The following SFMBT2 variants were observed in gnomAD, a reference collection of about 807,000 sequenced individuals.
The protein encoded by SFMBT2 is scm-like with four MBT domains protein 2.
Under a neutral mutation model 110.1 loss-of-function variants are expected in SFMBT2, and 38 were observed. The ratio of observed to expected loss-of-function variants is 0.35; its 90% CI spans 0.27 to 0.45. The LOEUF is 0.45. Among genes scored for constraint, SFMBT2 ranks in the 20% least tolerant of loss-of-function variants. The pLI, the probability that SFMBT2 is intolerant of heterozygous loss-of-function variation, is 1.00. For synonymous variants in SFMBT2, 425 were observed against 425.4 expected, an observed-to-expected ratio of 1.00 and a Z score of 0.01; for missense variants, 1,011 against 1,094.9, an observed-to-expected ratio of 0.92 and a Z score of 1.08.
intron 1 of SFMBT2, among the ~76,000 whole-genome samples, chr10:7,395,286 A>G (rs60749395): frequency 0.067 from 10,233 of 152,064 alleles, 1,098 homozygotes; most frequent in African/African-American, 0.23. Flanking sequence ...CTTGGAGGAA[A>G]AAAAAAGAAT....
At chr10:7,190,971 T>C (rs2131581457) in intron 15 of SFMBT2, among the ~76,000 whole-genome samples, 1 of 152,340 alleles carries the variant, frequency 6.6e-6, no homozygotes, top group East Asian at 1.9e-4. Flanking sequence ...CTGATGGTTT[T>C]ATAAGGAGTT....
chr10:7,399,234 T>G (rs1175023293), intron 1 of SFMBT2, among the ~76,000 whole-genome samples: 1 of 152,034 alleles, frequency 6.6e-6, no homozygotes, highest in African/African-American at 2.4e-5. Context: ...TTTGGGGTTT[T>G]GTTTTGTTTT....
chr10:7,405,861 T>C (rs1305388719), intron 1 of SFMBT2, among the ~76,000 whole-genome samples: 1 of 114,072 alleles, frequency 8.8e-6, no homozygotes, highest in Non-Finnish European at 1.7e-5. Context: ...GGAATCTTCC[T>C]TAGCAGCTAG....
In SFMBT2 at chr10:7,284,544, G is replaced by T. The variant is rs114715414; in HGVS notation, c.526-394C>A. The stretch of plus-strand genomic sequence containing the variant: ...AAACGGTCTACTTTTCCAACAGACA[G>T]ATAATTCTAATACAGAGCATTCAAT... On this transcript the variant is annotated intron_variant, in intron 5 of 20. Transcript: ENST00000397167. 1,664 of 447,992 alleles carry T rather than the reference G, an allele frequency of 3.7e-3. 35 individuals are homozygous for T. The highest frequency in any genetic ancestry group is 0.033 in the African/African-American group (1,549 of 47,246). 27.8% of individuals were successfully genotyped at this position (447,992 alleles called of 1,614,324 possible). A position where few individuals can be genotyped will look rare whatever the true frequency, so the allele number is the denominator to read the frequency against.
intron 20 of SFMBT2, among the ~76,000 whole-genome samples, chr10:7,168,700 A>C (rs1049558392): frequency 1.3e-5 from 2 of 152,258 alleles, no homozygotes; most frequent in Admixed American, 6.5e-5. Flanking sequence ...ACAGCATTTC[A>C]ACCTATTGCT....
rs1350692161 is a variant in SFMBT2 at position 7,408,068 on chromosome 10, C to A, written c.-52+2793G>T. 6.6e-6 allele frequency among the ~76,000 whole-genome samples: 1 copy of A among 152,260 alleles called. No individual in the cohort carries two copies. The highest frequency in any genetic ancestry group is 1.9e-4 in the East Asian group (1 of 5,202). On this transcript the variant is annotated intron_variant, in intron 1 of 20. Transcript: ENST00000397167. This position sits in a 1 kb window ranked among gnomAD's most constrained non-coding sequence, Gnocchi z 5.7. ...TACATCCGCTTCCACGGCACGGCCT[C>A]GTGCAAAATCGCGGGTTTCGGGGCC...
chr10:7,291,066 T>G (rs932348678), intron 4 of SFMBT2, among the ~76,000 whole-genome samples: 1 of 152,166 alleles, frequency 6.6e-6, no homozygotes, highest in African/African-American at 2.4e-5. Context: ...TGCAGGCAGA[T>G]GATGAACAAG....
At chr10:7,383,220 G>A (rs1004960362) in intron 1 of SFMBT2, among the ~76,000 whole-genome samples, 1 of 152,152 alleles carries the variant, frequency 6.6e-6, no homozygotes. Context: ...TTCATGCCAG[G>A]TGCAGTGGGT....
chr10:7,208,452 A>T (rs7905315), intron 11 of SFMBT2, among the ~76,000 whole-genome samples: 2 of 152,084 alleles, frequency 1.3e-5, no homozygotes, highest in Non-Finnish European at 2.9e-5. Flanking sequence ...TGGGAGGCTG[A>T]GGCGGGCGGA....
intron 4 of SFMBT2, among the ~76,000 whole-genome samples, chr10:7,327,985 G>A (rs1361993088): frequency 1.3e-5 from 2 of 152,152 alleles, no homozygotes; most frequent in Non-Finnish European, 2.9e-5. Context: ...AAATACCCAG[G>A]AGTACAATTG....
chr10:7,384,876 A>G (rs998033048), intron 1 of SFMBT2, among the ~76,000 whole-genome samples: 18 of 152,202 alleles, frequency 1.2e-4, no homozygotes, highest in Non-Finnish European at 4.4e-5. Flanking sequence ...AACCCACTGC[A>G]TTGGCGGCCA....
intron 2 of SFMBT2, among the ~76,000 whole-genome samples, chr10:7,379,206 G>A (rs757819676): frequency 6.6e-6 from 1 of 152,102 alleles, no homozygotes; most frequent in Non-Finnish European, 1.5e-5. Flanking sequence ...CCTCCTGTAC[G>A]TGGGATGAGT....
intron 17 of SFMBT2, 99 bp downstream of exon 17, chr10:7,175,891 T>G (rs1458378971): frequency 8.8e-7 from 1 of 1,140,776 alleles, no homozygotes; most frequent in African/African-American, 1.6e-5. Context: ...AGTCAAAAGG[T>G]TCAAAAAGAA....
intron 7 of SFMBT2, among the ~76,000 whole-genome samples, chr10:7,262,021 C>A (rs1225043058): frequency 6.6e-6 from 1 of 152,262 alleles, no homozygotes; most frequent in Non-Finnish European, 1.5e-5. Flanking sequence ...AAGGGCAAGG[C>A]CCGGTGGCAT....
intron 6 of SFMBT2, among the ~76,000 whole-genome samples, chr10:7,278,032 C>G (rs1841837311): frequency 6.6e-6 from 1 of 152,202 alleles, no homozygotes; most frequent in African/African-American, 2.4e-5. Context: ...GCCAAGCCAT[C>G]GGTGCACTGC....
chr10:7,323,720 T>C (rs1843279815), intron 4 of SFMBT2, among the ~76,000 whole-genome samples: 2 of 152,166 alleles, frequency 1.3e-5, no homozygotes, highest in Non-Finnish European at 2.9e-5. Context: ...TTTCAACATC[T>C]TTAAGAAAAG....
chr10:7,204,868 C>T, intron 12 of SFMBT2: 8 of 919,916 alleles, frequency 8.7e-6, no homozygotes, highest in Non-Finnish European at 1.0e-5. Flanking sequence ...AGCGAAACTC[C>T]ATCTTTAAAA....
intron 4 of SFMBT2, among the ~76,000 whole-genome samples, chr10:7,331,599 T>C (rs1394239575): frequency 6.6e-6 from 1 of 152,092 alleles, no homozygotes; most frequent in Non-Finnish European, 1.5e-5. Flanking sequence ...CTGTCCACTG[T>C]GGTGGTAAAG....
At chr10:7,370,455 A>T in intron 2 of SFMBT2, 80 bp from the exon 3 acceptor site, 1 of 1,190,260 alleles carries the variant, frequency 8.4e-7, no homozygotes, top group Non-Finnish European at 1.2e-6. Context: ...AGACCAGAAA[A>T]TCCTTCATAC....
Sources: gnomAD v4.1 joint callset for allele counts (sites outside exome capture counted in the v4.1 genomes callset) on GRCh38, gnomAD v4.1.1 for gene constraint, Gnocchi (gnomAD v3.1) non-coding constraint, MANE v1.5 for transcripts, NCBI Gene and HGNC (gene_info 2026-07-23, HGNC 2026-07-21) for gene names.